Variants in MED20 observed in about 807,000 individuals in gnomAD.
MED20 encodes mediator of RNA polymerase II transcription subunit 20.
In MED20, 19 loss-of-function variants were observed where a neutral mutation model predicts 19.7. The observed-to-expected ratio is 0.96, with a 90% confidence interval of 0.67 to 1.42. The LOEUF is 1.42. MED20 is among the 40% of genes most tolerant of loss of function. The pLI, the probability that MED20 is intolerant of heterozygous loss-of-function variation, is 0.00. For missense variants in MED20, 225 were observed against 273.0 expected, an observed-to-expected ratio of 0.82 and a Z score of 1.24; for synonymous variants, 105 against 104.8, an observed-to-expected ratio of 1.00 and a Z score of -0.01.
At chr6:41,919,061 G>A (rs1490487016) in intron 1 of MED20, among the ~76,000 whole-genome samples, 5 of 149,654 alleles carry the variant, frequency 3.3e-5, no homozygotes, top group Admixed American at 2.0e-4. Context: ...CCCGGGAGGC[G>A]GAGCTTGCAG....
chr6:41,912,433 T>G (rs1325823707), intron 2 of MED20, among the ~76,000 whole-genome samples: 4 of 148,016 alleles, frequency 2.7e-5, no homozygotes. Context: ...CTGGGCTCAC[T>G]GCAGCCTCTG....
rs1775029329 is a variant in MED20, at chr6:41,905,715, T to C, written c.*1357A>G. ...GAATATTTCTGCAGCAGGCATGGGG[T>C]AGGCAGGCAATATGACCAAATATGT... On this transcript the variant is annotated 3_prime_UTR_variant, in exon 4 of 4. Transcript: ENST00000265350. 6.6e-6 allele frequency: 1 copy of C among 152,196 alleles called. No homozygotes were observed. Among genetic ancestry groups the C allele is most frequent in the Non-Finnish European group, 1.5e-5 (1 of 68,066 alleles). 9.4% of individuals were successfully genotyped at this position (152,196 alleles called of 1,614,324 possible). A position where few individuals can be genotyped will look rare whatever the true frequency, so the allele number is the denominator to read the frequency against.
chr6:41,916,715 C>A, intron 2 of MED20, 70 bp downstream of exon 2: 1 of 1,570,830 alleles, frequency 6.4e-7, no homozygotes, highest in Admixed American at 1.8e-5. Context: ...AGCAGAAAGA[C>A]TTCAATTAAC....
intron 2 of MED20, among the ~76,000 whole-genome samples, chr6:41,910,078 GTCTTATCTACCATGCCT>G (rs1561936121): frequency 6.6e-6 from 1 of 152,032 alleles, no homozygotes; most frequent in East Asian, 1.9e-4. Flanking sequence ...GCTGTGATAG[GTCTTATCTACCATGCCT>G]CAAGAAGTTT....
chr6:41,920,897 C>G (rs1262328429), intron 1 of MED20, 108 bp downstream of exon 1: 7 of 1,437,928 alleles, frequency 4.9e-6, no homozygotes, highest in South Asian at 1.4e-5. Flanking sequence ...CTACACAACC[C>G]GAGGACATCT....
chr6:41,917,856 T>A (rs929297826), intron 1 of MED20: 1 of 455,888 alleles, frequency 2.2e-6, no homozygotes, highest in South Asian at 1.6e-5. Context: ...CTGGGACTAG[T>A]GTATTGGACA....
chr6:41,921,116 T>C lies in MED20; in HGVS notation c.-98A>G. On this transcript the variant is annotated 5_prime_UTR_variant, in exon 1 of 4. Transcript: ENST00000265350. ...TTCAGTTCCCCAACACAACCTTCTGTCTCAGAAGGGACTCCGGAAATACGT... is the reference window on the plus strand; with the variant it reads ...TTCAGTTCCCCAACACAACCTTCTGCCTCAGAAGGGACTCCGGAAATACGT... 1 of 1,482,240 alleles carries C rather than the reference T, an allele frequency of 6.7e-7. No homozygotes were observed. Among genetic ancestry groups the C allele is most frequent in the Non-Finnish European group, 9.3e-7 (1 of 1,079,540 alleles). 91.8% of individuals were successfully genotyped at this position (1,482,240 alleles called of 1,614,324 possible).
intron 2 of MED20, 51 bp from the exon 3 acceptor site, chr6:41,909,573 C>T (rs776721916): frequency 9.4e-6 from 15 of 1,594,640 alleles, no homozygotes; most frequent in Non-Finnish European, 8.6e-7. Context: ...CTGGCAAACC[C>T]CAGAGTAGAG....
intron 1 of MED20, among the ~76,000 whole-genome samples, chr6:41,919,984 C>T (rs1279614697): frequency 6.6e-6 from 1 of 152,212 alleles, no homozygotes; most frequent in Non-Finnish European, 1.5e-5. Flanking sequence ...CCTATATCCA[C>T]TGGCTTCAAA....
At chr6:41,918,932 C>A (rs1309940650) in intron 1 of MED20, among the ~76,000 whole-genome samples, 1 of 116,186 alleles carries the variant, frequency 8.6e-6, no homozygotes, top group Admixed American at 1.0e-4. Context: ...CCGGCCTGGG[C>A]GACAGAGCGA....
At chr6:41,913,725 C>T (rs1775250755) in intron 2 of MED20, among the ~76,000 whole-genome samples, 2 of 152,098 alleles carry the variant, frequency 1.3e-5, no homozygotes, top group Non-Finnish European at 2.9e-5. Context: ...TGGTGAAACC[C>T]CATCTCTACT....
chr6:41,917,225 C>A (rs924369766), intron 1 of MED20, among the ~76,000 whole-genome samples: 1 of 152,026 alleles, frequency 6.6e-6, no homozygotes, highest in Non-Finnish European at 1.5e-5. Context: ...CATGGTGAAA[C>A]CCCGTCTCTA....
At chr6:41,909,612 G>C in intron 2 of MED20, 90 bp from the exon 3 acceptor site, 2 of 1,548,782 alleles carry the variant, frequency 1.3e-6, no homozygotes, top group Non-Finnish European at 1.8e-6. Context: ...AATGAGGCCA[G>C]ACAGCAATCT....
At chr6:41,914,617 A>G (rs1384484558) in intron 2 of MED20, among the ~76,000 whole-genome samples, 1 of 140,450 alleles carries the variant, frequency 7.1e-6, no homozygotes, top group East Asian at 2.0e-4. Context: ...ACTCATATCC[A>G]AAGAGTCTCT....
At chr6:41,920,887 C>T in intron 1 of MED20, 118 bp downstream of exon 1, 2 of 1,359,880 alleles carry the variant, frequency 1.5e-6, no homozygotes, top group Non-Finnish European at 9.9e-7. Context: ...ATCCTCTCAT[C>T]TACACAACCC....
In MED20 at chr6:41,909,359, C is replaced by T; in HGVS notation, c.333G>A (p.Glu111=). ...FFQSAKASKI[E]TRGTRYQYCD... ...AGTACTGGTACCTGGTGCCCCGGGT[C>T]TCAATCTTGCTGGCCTTAGCACTCT... The change falls in exon 3 of 4, where the codon GAG becomes GAA. Residue 111 remains glutamate (E), a synonymous_variant. Transcript: ENST00000265350. 6.2e-7 allele frequency: 1 copy of T among 1,614,182 alleles called. No individual in the cohort carries two copies. The highest frequency in any genetic ancestry group is 1.1e-5 in the South Asian group (1 of 91,080).
At chr6:41,916,991 A>T in intron 1 of MED20, 52 bp from the exon 2 acceptor site, 1 of 1,600,270 alleles carries the variant, frequency 6.2e-7, no homozygotes, top group Non-Finnish European at 8.5e-7. Flanking sequence ...ACGTGTGCTC[A>T]CTGAGCCATT....
At chr6:41,920,317 G>A (rs1234285735) in intron 1 of MED20, among the ~76,000 whole-genome samples, 2 of 152,112 alleles carry the variant, frequency 1.3e-5, no homozygotes, top group Non-Finnish European at 1.5e-5. Context: ...ATTAGAAACA[G>A]ACACAAGCGG....
At chr6:41,917,353 C>T (rs6920559) in intron 1 of MED20, 48,399 of 170,912 alleles carry the variant, frequency 0.28, 7,470 homozygotes, top group African/African-American at 0.41. Flanking sequence ...TAAGCCGAGA[C>T]TGCGCCCTTG....
Sources: gnomAD v4.1 joint callset for allele counts (sites outside exome capture counted in the v4.1 genomes callset) on GRCh38, gnomAD v4.1.1 for gene constraint, MANE v1.5 for transcripts, NCBI Gene and HGNC (gene_info 2026-07-23, HGNC 2026-07-21) for gene names.